The following ABCB1 variants were observed in gnomAD, a reference collection of about 807,000 sequenced individuals.
ABCB1 encodes the protein ATP-dependent translocase ABCB1.
Under a neutral mutation model 142.0 loss-of-function variants are expected in ABCB1, and 69 were observed. The observed-to-expected ratio is 0.49, with a 90% CI of 0.40 to 0.59. The LOEUF is 0.59. Ranked by LOEUF, ABCB1 falls within the 20% of genes least tolerant of loss-of-function variation. The probability of loss-of-function intolerance (pLI) is 0.00; values close to 1 mark genes in which losing one functional copy is unlikely to be tolerated. For synonymous variants in ABCB1, 532 were observed against 539.2 expected (o/e 0.99, Z 0.18); for missense variants, 1,326 against 1,554.7 (o/e 0.85, Z 2.47).
intron 1 of ABCB1, among the ~76,000 whole-genome samples, chr7:87,642,931 T>G (rs953343654): frequency 1.3e-5 from 2 of 152,208 alleles, no homozygotes; most frequent in Non-Finnish European, 2.9e-5. Context: ...ATTTTCCTTT[T>G]TAGAGACAGG....
chr7:87,591,040 T>G (rs757548665), intron 3 of ABCB1, among the ~76,000 whole-genome samples: 8 of 152,108 alleles, frequency 5.3e-5, no homozygotes, highest in Non-Finnish European at 8.8e-5. Context: ...CTTTGCAGAT[T>G]TAAAAGATCT....
At chr7:87,682,110 C>T (rs562836721) in intron 1 of ABCB1, among the ~76,000 whole-genome samples, 2 of 152,338 alleles carry the variant, frequency 1.3e-5, no homozygotes, top group African/African-American at 4.8e-5. Context: ...TTTCTTTGCT[C>T]ATCCATAAGA....
chr7:87,582,429 C>T (rs916397976), intron 4 of ABCB1, among the ~76,000 whole-genome samples: 13 of 152,148 alleles, frequency 8.5e-5, no homozygotes, highest in African/African-American at 3.1e-4. Flanking sequence ...TATTGGTTCA[C>T]CCTTGTCCAT....
At chr7:87,661,877 TAA>T (rs1370604455) in intron 1 of ABCB1, among the ~76,000 whole-genome samples, 1 of 152,078 alleles carries the variant, frequency 6.6e-6, no homozygotes, top group Non-Finnish European at 1.5e-5. Context: ...CAACAGTGTA[TAA>T]GAGTTCCCTT....
intron 1 of ABCB1, among the ~76,000 whole-genome samples, chr7:87,685,528 C>G (rs183916717): frequency 6.6e-6 from 1 of 152,092 alleles, no homozygotes; most frequent in Non-Finnish European, 1.5e-5. Context: ...TTTCCACACA[C>G]AACAACATGT....
At chr7:87,578,861 T>G (rs1321019415) in intron 4 of ABCB1, among the ~76,000 whole-genome samples, 1 of 151,516 alleles carries the variant, frequency 6.6e-6, no homozygotes, top group South Asian at 2.1e-4. Context: ...GCCCGGCTAA[T>G]TTTTTGTATT....
chr7:87,597,402 T>C (rs1251956214), intron 2 of ABCB1, among the ~76,000 whole-genome samples: 1 of 151,944 alleles, frequency 6.6e-6, no homozygotes, highest in East Asian at 1.9e-4. Flanking sequence ...TTCTTTACAA[T>C]CCCATGTTAA....
chr7:87,553,609 C>G (rs1017483828), intron 9 of ABCB1, 152 bp downstream of exon 9: 2 of 804,098 alleles, frequency 2.5e-6, no homozygotes, highest in East Asian at 2.8e-5. Context: ...TGTGAGCCAC[C>G]GTGCCTGGCC....
chr7:87,540,432 GTATTTATT>G (rs569902456), intron 18 of ABCB1, among the ~76,000 whole-genome samples: 2 of 152,086 alleles, frequency 1.3e-5, no homozygotes, highest in South Asian at 4.1e-4. Context: ...ATACCAAACA[GTATTTATT>G]TATTTATTTA....
At chr7:87,538,007 G>T (rs138534493) in intron 19 of ABCB1, among the ~76,000 whole-genome samples, 14 of 152,322 alleles carry the variant, frequency 9.2e-5, no homozygotes, top group Admixed American at 3.3e-4. Flanking sequence ...GTGGTTAAAA[G>T]TGTCTCCACA....
intron 4 of ABCB1, among the ~76,000 whole-genome samples, chr7:87,582,421 T>C (rs1340027099): frequency 1.3e-5 from 2 of 152,194 alleles, no homozygotes; most frequent in Non-Finnish European, 2.9e-5. Flanking sequence ...ACTGTATTTA[T>C]TGGTTCACCC....
At chr7:87,660,066 T>G (rs1824531656) in intron 1 of ABCB1, among the ~76,000 whole-genome samples, 1 of 152,148 alleles carries the variant, frequency 6.6e-6, no homozygotes. Flanking sequence ...ATTAGTCTGT[T>G]TTGTGCTTTT....
intron 8 of ABCB1, among the ~76,000 whole-genome samples, chr7:87,560,367 T>C (rs868255409): frequency 6.6e-6 from 1 of 152,278 alleles, no homozygotes; most frequent in East Asian, 1.9e-4. Flanking sequence ...CAAACACATA[T>C]GCACAGTTAA....
At chr7:87,581,056 GA>G (rs1329964685) in intron 4 of ABCB1, among the ~76,000 whole-genome samples, 1 of 151,794 alleles carries the variant, frequency 6.6e-6, no homozygotes, top group Non-Finnish European at 1.5e-5. Flanking sequence ...GGGAGGGGGG[GA>G]TGATTTCTGG....
At position 87,533,896 on chromosome 7, in the gene ABCB1, T is replaced by G. The variant is rs960345018; in HGVS notation, c.2482-2399A>C. Among the ~76,000 whole-genome samples, 7 of 152,168 alleles carry G rather than the reference T, an allele frequency of 4.6e-5. 1 individual carries two copies. The South Asian group carries it at 1.2e-3, about 27-fold the overall frequency. On this transcript the variant is annotated intron_variant, in intron 20 of 27. Coordinates refer to ENST00000622132, the MANE Select transcript of ABCB1 (RefSeq NM_001348946.2). ...TTCCTTTTTAGCCACTGTTTTAAGT[T>G]CTGGAAAACAGTTTTGCTTGAGTGG...
rs1271345219 is a variant in ABCB1, at chr7:87,541,490, T to G, written c.2212-26A>C. 8 of 1,505,480 alleles carry G rather than the reference T, an allele frequency of 5.3e-6. No individual in the cohort carries two copies. The African/African-American group carries it at 6.9e-5, about 13-fold the overall frequency. 93.3% of individuals were successfully genotyped at this position (1,505,480 alleles called of 1,614,324 possible). ...CTGTGAGAAAACATTTAAAGGATTT[T>G]TAGTTCAATCAGTGAAGAACCCATC... On this transcript the variant is annotated intron_variant, in intron 17 of 27. Coordinates refer to ENST00000622132, the MANE Select transcript of ABCB1 (RefSeq NM_001348946.2).
chr7:87,631,719 G>A (rs2130194732), intron 1 of ABCB1, among the ~76,000 whole-genome samples: 1 of 152,254 alleles, frequency 6.6e-6, no homozygotes, highest in South Asian at 2.1e-4. Flanking sequence ...TCTCAAATCA[G>A]AGATGATTTG....
In ABCB1 at chr7:87,626,724, G is replaced by GTGTCATATATATGTGTCATATATA. The variant is rs1563081848; in HGVS notation, c.-330-25670_-330-25647dup. Among the ~76,000 whole-genome samples, 480 of 64,362 alleles carry GTGTCATATATATGTGTCATATATA rather than the reference G, an allele frequency of 7.5e-3. 48 individuals are homozygous for GTGTCATATATATGTGTCATATATA. Among genetic ancestry groups the GTGTCATATATATGTGTCATATATA allele is most frequent in the African/African-American group, 0.014 (218 of 15,830 alleles). 42.2% of individuals were successfully genotyped at this position (64,362 alleles called of 152,430 possible). A position where few individuals can be genotyped will look rare whatever the true frequency, so the allele number is the denominator to read the frequency against. On this transcript the variant is annotated intron_variant, in intron 1 of 28. Coordinates refer to the ABCB1 transcript ENST00000265724. ...TGTCATATATATGTGTCATATATATGTGTCATATATATGTGTCATATATAT... is the reference window on the plus strand; with the variant it reads ...TGTCATATATATGTGTCATATATATGTGTCATATATATGTGTCATATATATGTCATATATATGTGTCATATATAT...
chr7:87,586,788 A>G (rs1337314724), intron 3 of ABCB1, among the ~76,000 whole-genome samples: 1 of 152,222 alleles, frequency 6.6e-6, no homozygotes, highest in East Asian at 1.9e-4. Flanking sequence ...TGCCGAGTGG[A>G]GAAATAAAGA....
Sources: allele counts gnomAD v4.1 joint callset (sites outside exome capture counted in the v4.1 genomes callset), GRCh38; gene constraint gnomAD v4.1.1; transcripts MANE v1.5; gene names NCBI Gene and HGNC (gene_info 2026-07-23, HGNC 2026-07-21).